ZRANB3: variants seen among roughly 807,000 people sequenced by gnomAD.
The protein encoded by ZRANB3 is zinc finger RANBP2-type containing 3.
ZRANB3 carries 125 observed loss-of-function variants against 133.8 expected under a neutral mutation model. The ratio of observed to expected loss-of-function variants is 0.93; its 90% confidence interval spans 0.81 to 1.08. ZRANB3 has a LOEUF of 1.08. Ranked by LOEUF, ZRANB3 falls within the 50% of genes least tolerant of loss-of-function variation. The probability of loss-of-function intolerance (pLI) is 0.00; values close to 1 mark genes in which losing one functional copy is unlikely to be tolerated. For synonymous variants in ZRANB3, 387 were observed against 432.7 expected, an observed-to-expected ratio of 0.89 and a Z score of 1.31; for missense variants, 1,229 against 1,275.5, an observed-to-expected ratio of 0.96 and a Z score of 0.56.
intron 7 of ZRANB3, among the ~76,000 whole-genome samples, chr2:135,313,891 T>C (rs1240928809): frequency 6.6e-6 from 1 of 151,988 alleles, no homozygotes; most frequent in Non-Finnish European, 1.5e-5. Flanking sequence ...TGAGACAGAG[T>C]CTCGCTCTTG....
chr2:135,359,603 A>G (rs551251245), intron 3 of ZRANB3, among the ~76,000 whole-genome samples: 5 of 151,856 alleles, frequency 3.3e-5, no homozygotes, highest in African/African-American at 1.2e-4. Context: ...GAAACAAAGA[A>G]AAGAAAAAAG....
At chr2:135,369,111 G>C (rs1686061730) in intron 3 of ZRANB3, among the ~76,000 whole-genome samples, 1 of 151,884 alleles carries the variant, frequency 6.6e-6, no homozygotes, top group African/African-American at 2.4e-5. Context: ...ACTTGTCTCA[G>C]TAGTTGATAA....
rs58522186 is a variant in ZRANB3 at position 135,356,576 on chromosome 2, C to A, written c.181-2948G>T. On this transcript the variant is annotated intron_variant, in intron 3 of 20. Transcript: ENST00000264159. ...GTTTGAATATTTTTGTCTTCTAGTT[C>A]TCTAATTCTGTATTCTTGTATCTAA... is the stretch of plus-strand genomic sequence containing the variant. 2.9e-3 allele frequency among the ~76,000 whole-genome samples: 445 copies of A among 152,258 alleles called. 2 individuals are homozygous for A. The highest frequency in any genetic ancestry group is 0.01 in the African/African-American group (421 of 41,544).
At chr2:135,226,136 T>C (rs1694752995) in intron 14 of ZRANB3, among the ~76,000 whole-genome samples, 1 of 152,200 alleles carries the variant, frequency 6.6e-6, no homozygotes, top group African/African-American at 2.4e-5. Context: ...TTGATAAAAA[T>C]AACTGTAACA....
rs377146838 is a variant in ZRANB3 at position 135,507,294 on chromosome 2, TG to T, written c.-7-2799del. ...TTTGAGATGGCTATAAGATAAGAAG[TG>T]GAAATGTTGGGTATGCTTGAAAATA... On this transcript the variant is annotated intron_variant, in intron 1 of 20. Transcript: ENST00000264159. Among the ~76,000 whole-genome samples, 516 of 152,128 alleles carry T rather than the reference TG, an allele frequency of 3.4e-3. 2 individuals carry two copies. Among genetic ancestry groups the T allele is most frequent in the Middle Eastern group, 6.8e-3 (2 of 294 alleles).
intron 2 of ZRANB3, among the ~76,000 whole-genome samples, chr2:135,461,184 G>A (rs1574139146): frequency 6.6e-6 from 1 of 152,178 alleles, no homozygotes; most frequent in South Asian, 2.1e-4. Context: ...TATAGCTCAT[G>A]TATACATTAT....
chr2:135,260,168 G>A (rs1679882705), intron 12 of ZRANB3, among the ~76,000 whole-genome samples: 1 of 152,172 alleles, frequency 6.6e-6, no homozygotes, highest in Non-Finnish European at 1.5e-5. Flanking sequence ...CCTGCCTGGA[G>A]ATGACCTACA....
chr2:135,387,033 G>C (rs1230864241), intron 3 of ZRANB3, among the ~76,000 whole-genome samples: 1 of 150,496 alleles, frequency 6.6e-6, no homozygotes, highest in Admixed American at 6.6e-5. Context: ...ACAGTGAAAA[G>C]ATACCGAAAG....
rs1177438717 is a variant in ZRANB3 at position 135,245,926 on chromosome 2, C to CAAAAAAAAAAAAAAAAAAAAAAAAAAA, written c.1540-15000_1540-14999insTTTTTTTTTTTTTTTTTTTTTTTTTTT. On this transcript the variant is annotated intron_variant, in intron 12 of 20. Coordinates refer to ENST00000264159, the MANE Select transcript of ZRANB3 (RefSeq NM_032143.4). Reference sequence around the variant, plus strand: ...GGGCAACGAGATTGAAACTCCGTCTCAAAAAAAAAAAAAAAAAAAAAAGAG... The same window carrying CAAAAAAAAAAAAAAAAAAAAAAAAAAA: ...GGGCAACGAGATTGAAACTCCGTCTCAAAAAAAAAAAAAAAAAAAAAAAAAAAAAAAAAAAAAAAAAAAAAAAAAGAG... Among the ~76,000 whole-genome samples, 58 of 19,538 alleles carry CAAAAAAAAAAAAAAAAAAAAAAAAAAA rather than the reference C, an allele frequency of 3.0e-3. 2 individuals carry two copies. The highest frequency in any genetic ancestry group is 7.7e-3 in the Admixed American group (8 of 1,038). 12.8% of individuals were successfully genotyped at this position (19,538 alleles called of 152,430 possible). A position where few individuals can be genotyped will look rare whatever the true frequency, so the allele number is the denominator to read the frequency against.
intron 1 of ZRANB3, among the ~76,000 whole-genome samples, chr2:135,507,322 A>T (rs1040146386): frequency 6.6e-6 from 1 of 152,208 alleles, no homozygotes; most frequent in African/African-American, 2.4e-5. Flanking sequence ...TTGAAAATAT[A>T]TGAGTCTGAA....
intron 2 of ZRANB3, among the ~76,000 whole-genome samples, chr2:135,455,729 C>T (rs1163222355): frequency 6.6e-6 from 1 of 151,292 alleles, no homozygotes; most frequent in Non-Finnish European, 1.5e-5. Context: ...GTAGCTCAGA[C>T]TATAGGCGCC....
chr2:135,395,630 G>A (rs1178067929), intron 2 of ZRANB3, among the ~76,000 whole-genome samples: 1 of 151,824 alleles, frequency 6.6e-6, no homozygotes, highest in Non-Finnish European at 1.5e-5. Context: ...GCTAATTTTT[G>A]TATTTCTAGT....
At chr2:135,360,934 G>GGTTT (rs148805971) in intron 3 of ZRANB3, among the ~76,000 whole-genome samples, 79 of 149,884 alleles carry the variant, frequency 5.3e-4, no homozygotes, top group South Asian at 1.1e-3. Flanking sequence ...GCCTGTTTTT[G>GGTTT]GTTTGTTTGT....
intron 2 of ZRANB3, among the ~76,000 whole-genome samples, chr2:135,441,213 G>A (rs1689763631): frequency 6.6e-6 from 1 of 152,112 alleles, no homozygotes; most frequent in African/African-American, 2.4e-5. Context: ...AGACAAAGAA[G>A]AAATATTAAA....
At chr2:135,400,526 C>T (rs923834966) in intron 2 of ZRANB3, among the ~76,000 whole-genome samples, 3 of 152,000 alleles carry the variant, frequency 2.0e-5, no homozygotes, top group Non-Finnish European at 2.9e-5. Context: ...AGGCTGGTCT[C>T]GAACTCCTGA....
chr2:135,294,624 C>A (rs988593795), intron 8 of ZRANB3, among the ~76,000 whole-genome samples: 1 of 152,044 alleles, frequency 6.6e-6, no homozygotes, highest in Non-Finnish European at 1.5e-5. Context: ...TTAGTTATTT[C>A]TTGCCTTCTG....
intron 2 of ZRANB3, among the ~76,000 whole-genome samples, chr2:135,460,753 AATT>A: frequency 6.6e-6 from 1 of 152,214 alleles, no homozygotes; most frequent in East Asian, 1.9e-4. Context: ...GAATTTAACA[AATT>A]ATGCTTCTTG....
At chr2:135,395,244 G>A (rs1011025243) in intron 2 of ZRANB3, among the ~76,000 whole-genome samples, 1 of 151,940 alleles carries the variant, frequency 6.6e-6, no homozygotes, top group Admixed American at 6.6e-5. Context: ...AACATACACT[G>A]GGAGAAAGGG....
At chr2:135,401,985 T>C (rs534557421) in intron 2 of ZRANB3, among the ~76,000 whole-genome samples, 1 of 152,280 alleles carries the variant, frequency 6.6e-6, no homozygotes, top group Non-Finnish European at 1.5e-5. Flanking sequence ...TACTGTTAAC[T>C]GAACTATTTT....
Sources: allele counts gnomAD v4.1 joint callset (sites outside exome capture counted in the v4.1 genomes callset), GRCh38; gene constraint gnomAD v4.1.1; transcripts MANE v1.5; gene names NCBI Gene and HGNC (gene_info 2026-07-23, HGNC 2026-07-21).